Variants in DPH6 observed in about 807,000 individuals in gnomAD.
The protein encoded by DPH6 is diphthamine biosynthesis 6, also known as diphthine--ammonia ligase.
A neutral mutation model predicts 38.2 loss-of-function variants in DPH6; 33 were observed. The observed-to-expected ratio is 0.86, with a 90% CI of 0.65 to 1.15. The LOEUF (loss-of-function observed/expected upper bound fraction) is 1.15, where lower values mean the gene tolerates loss of function less well. DPH6 is among the 50% of genes most tolerant of loss of function. DPH6 has a pLI of 0.00. For missense variants in DPH6, 325 were observed against 320.0 expected (o/e 1.02, Z -0.12); for synonymous variants, 108 against 103.0 (o/e 1.05, Z -0.30).
intron 3 of DPH6, among the ~76,000 whole-genome samples, chr15:35,464,167 G>T (rs572616411): frequency 6.6e-6 from 1 of 151,950 alleles, no homozygotes; most frequent in Non-Finnish European, 1.5e-5. Context: ...GGTGGCACGC[G>T]CCTGTAATCC....
rs58439057 is a variant in DPH6 at position 35,452,485 on chromosome 15, ATCTC to A, written c.387-1686_387-1683del. ...TGGCCGACTTCTCTGGCCTATATTG[ATCTC>A]TCTCTCTCTCTCTCTCTCTCTCAGA... On this transcript the variant is annotated intron_variant, in intron 4 of 8. Transcript: ENST00000256538. Among the ~76,000 whole-genome samples, 719 of 149,876 alleles carry A rather than the reference ATCTC, an allele frequency of 4.8e-3. 5 individuals are homozygous for A. The highest frequency in any genetic ancestry group is 0.042 in the East Asian group (213 of 5,064).
At chr15:35,299,094 C>T (rs1165736786) in intron 3 of DPH6, 17 of 819,846 alleles carry the variant, frequency 2.1e-5, no homozygotes, top group South Asian at 1.3e-4. Context: ...TGTCTTTGTC[C>T]TTCCTCTCTG....
intron 3 of DPH6, among the ~76,000 whole-genome samples, chr15:35,277,449 G>C (rs1325960222): frequency 6.6e-6 from 1 of 152,018 alleles, no homozygotes; most frequent in Non-Finnish European, 1.5e-5. Flanking sequence ...CCAGCCTCAG[G>C]TATTTCTTTA....
At position 35,337,668 on chromosome 15, in the gene DPH6, T is replaced by C. The variant is rs545907680; in HGVS notation, n.208-6591A>G. ...GCTACCAATGACTTTCTTCACAGAA[T>C]TGGAAAAAACTACTTTAAAGTTCAT... On this transcript the variant is annotated intron_variant and non_coding_transcript_variant, in intron 3 of 3. Transcript: ENST00000558973. 1.1e-4 allele frequency among the ~76,000 whole-genome samples: 17 copies of C among 152,252 alleles called. No individual in the cohort carries two copies. In the East Asian group the frequency reaches 3.3e-3, roughly 29 times the overall value.
intron 6 of DPH6, among the ~76,000 whole-genome samples, chr15:35,407,251 C>T (rs1357140864): frequency 7.4e-6 from 1 of 134,982 alleles, no homozygotes; most frequent in East Asian, 2.2e-4. Context: ...AGAATTTATG[C>T]ATTTTTTTTT....
chr15:35,518,647 G>A (rs183649935), intron 3 of DPH6, among the ~76,000 whole-genome samples: 2 of 152,052 alleles, frequency 1.3e-5, no homozygotes, highest in Non-Finnish European at 2.9e-5. Context: ...ATCTCATTAT[G>A]TTAGTTCACA....
intron 5 of DPH6, among the ~76,000 whole-genome samples, chr15:35,417,064 T>C (rs1315678253): frequency 6.6e-6 from 1 of 152,074 alleles, no homozygotes; most frequent in Non-Finnish European, 1.5e-5. Flanking sequence ...AATATCAAAC[T>C]ATTAATACAT....
chr15:35,243,140 C>A (rs535706409), intron 3 of DPH6, among the ~76,000 whole-genome samples: 1 of 142,332 alleles, frequency 7.0e-6, no homozygotes, highest in South Asian at 2.5e-4. Context: ...TCAATTCATA[C>A]AAAACCGTAT....
chr15:35,494,188 A>AT (rs1595414699), intron 3 of DPH6, among the ~76,000 whole-genome samples: 1 of 152,142 alleles, frequency 6.6e-6, no homozygotes, highest in East Asian at 1.9e-4. Context: ...TGCTTAAAAA[A>AT]TTGCCTTTAG....
At chr15:35,421,853 A>G (rs1462692927) in intron 5 of DPH6, among the ~76,000 whole-genome samples, 2 of 152,148 alleles carry the variant, frequency 1.3e-5, no homozygotes, top group African/African-American at 4.8e-5. Flanking sequence ...TTCCAGCTTC[A>G]GTCAAGTTCC....
At chr15:35,406,896 C>T in intron 6 of DPH6, among the ~76,000 whole-genome samples, 1 of 151,916 alleles carries the variant, frequency 6.6e-6, no homozygotes, top group Non-Finnish European at 1.5e-5. Context: ...AAGAATAAAA[C>T]TGGTAGTTGA....
intron 5 of DPH6, among the ~76,000 whole-genome samples, chr15:35,423,772 A>G (rs960930846): frequency 6.6e-6 from 1 of 151,688 alleles, no homozygotes. Flanking sequence ...ATAAGGGTCC[A>G]CTTCTTCCAC....
At chr15:35,270,911 G>C (rs1355168146) in intron 3 of DPH6, among the ~76,000 whole-genome samples, 2 of 152,156 alleles carry the variant, frequency 1.3e-5, no homozygotes, top group African/African-American at 4.8e-5. Flanking sequence ...TTATAGCTCA[G>C]TACACAGACA....
chr15:35,166,105 G>A, the DPH6 span, among the ~76,000 whole-genome samples: 4 of 151,884 alleles, frequency 2.6e-5, no homozygotes, highest in Non-Finnish European at 5.9e-5. Flanking sequence ...GAAGGAATTT[G>A]AGAAACGACA....
intron 3 of DPH6, chr15:35,237,258 C>A (rs1344381610): frequency 1.4e-6 from 2 of 1,424,214 alleles, no homozygotes; most frequent in Non-Finnish European, 2.0e-6. Context: ...CTTGAAAGTG[C>A]TAAAACGCGC....
At chr15:35,161,279 T>C in the DPH6 span, among the ~76,000 whole-genome samples, 2 of 151,996 alleles carry the variant, frequency 1.3e-5, no homozygotes, top group East Asian at 1.9e-4. Flanking sequence ...CCAACTCTTT[T>C]AGTCCTTGGC....
chr15:35,371,956 ACT>A lies in DPH6; in HGVS notation c.*192_*193del, dbSNP rs1339294893. ...AAGAGTGAATTCCAAGAAAGTTGGC[ACT>A]ATTAATGAACATGCCGTCGACATTT... On this transcript the variant is annotated 3_prime_UTR_variant, in exon 9 of 9. Coordinates refer to ENST00000256538, the MANE Select transcript of DPH6 (RefSeq NM_080650.4). The A allele has an allele frequency of 1.3e-5, 17 of 1,267,236 alleles. No individual in the cohort carries two copies. Among genetic ancestry groups the A allele is most frequent in the Non-Finnish European group, 1.6e-5 (16 of 1,001,056 alleles). The allele number at this position is 1,267,236 out of a possible 1,614,324, so 78.5% of individuals were successfully genotyped here.
chr15:35,363,483 TCTTA>T (rs2052630811), intron 3 of DPH6, among the ~76,000 whole-genome samples: 1 of 152,086 alleles, frequency 6.6e-6, no homozygotes, highest in Admixed American at 6.6e-5. Context: ...GTTTTCACAC[TCTTA>T]CTTTCATTCT....
intron 3 of DPH6, among the ~76,000 whole-genome samples, chr15:35,481,233 G>C (rs1385433675): frequency 6.6e-6 from 1 of 152,062 alleles, no homozygotes; most frequent in East Asian, 1.9e-4. Context: ...CAGAGCTTTA[G>C]ACCCAACTAC....
Sources: allele counts gnomAD v4.1 joint callset (sites outside exome capture counted in the v4.1 genomes callset), GRCh38; gene constraint gnomAD v4.1.1; transcripts MANE v1.5; gene names NCBI Gene and HGNC (gene_info 2026-07-23, HGNC 2026-07-21).